FZD1: variants seen among roughly 807,000 people sequenced by gnomAD.
The protein encoded by FZD1 is frizzled class receptor 1.
A neutral mutation model predicts 48.0 loss-of-function variants in FZD1; 22 were observed. That is an observed-to-expected ratio of 0.46 (90% CI 0.33 to 0.65). FZD1 has a LOEUF of 0.65. Among genes scored for constraint, FZD1 ranks in the 30% least tolerant of loss-of-function variants. FZD1 has a pLI of 0.02. For missense variants in FZD1, 843 were observed against 898.1 expected, an observed-to-expected ratio of 0.94 and a Z score of 0.78; for synonymous variants, 486 against 409.6, an observed-to-expected ratio of 1.19 and a Z score of -2.25.
In FZD1 at chr7:91,265,664, T is replaced by C. The variant is rs1196989236; in HGVS notation, c.784T>C (p.Phe262Leu). 1.3e-6 allele frequency: 2 copies of C among 1,567,896 alleles called. No individual in the cohort carries two copies. Among genetic ancestry groups the C allele is most frequent in the Non-Finnish European group, 1.7e-6 (2 of 1,160,094 alleles). ...CGGCGGCGGAGGGCACCGTGGCGGC[T>C]TCCCGGGGGGCGCCGGCGCGTCGGA... Reference protein sequence around the residue: ...QHGGGGHRGGFPGGAGASERG... With the variant: ...QHGGGGHRGGLPGGAGASERG... The change falls in exon 1 of 1, where the codon TTC becomes CTC. Residue 262 changes from phenylalanine to leucine, a missense_variant. By Grantham distance (22) the Phe-to-Leu change is conservative (BLOSUM62 0). Around this residue, in one of 2 missense-constraint regions of FZD1, gnomAD observed 490 missense variants for 466.5 expected, o/e 1.05. Coordinates refer to ENST00000287934, the MANE Select transcript of FZD1 (RefSeq NM_003505.2). The surrounding 1 kb of genome is among the most constrained non-coding windows in gnomAD (Gnocchi z 6.9).
chr7:91,268,181 C>T lies in FZD1; in HGVS notation c.*1357C>T, dbSNP rs187783283. On this transcript the variant is annotated 3_prime_UTR_variant, in exon 1 of 1. Transcript: ENST00000287934. ...GAAACTTTAAAATGTAAAAGTTGTA[C>T]ACTTTCAACATTTTATTACGATTAT... 6.0e-5 allele frequency: 10 copies of T among 167,042 alleles called. No homozygotes were observed. Among genetic ancestry groups the T allele is most frequent in the Non-Finnish European group, 1.5e-4 (10 of 68,110 alleles). The allele number at this position is 167,042 out of a possible 1,614,324, so 10.3% of individuals were successfully genotyped here.
rs143217913 is a variant in FZD1 at position 91,269,261 on chromosome 7, G to A, written c.*2437G>A. 29 of 166,432 alleles carry A rather than the reference G, an allele frequency of 1.7e-4. No homozygotes were observed. The highest frequency in any genetic ancestry group is 6.0e-4 in the African/African-American group (25 of 41,352). The allele number at this position is 166,432 out of a possible 1,614,324, so 10.3% of individuals were successfully genotyped here. A position where few individuals can be genotyped will look rare whatever the true frequency, so the allele number is the denominator to read the frequency against. On this transcript the variant is annotated 3_prime_UTR_variant, in exon 1 of 1. Coordinates refer to ENST00000287934, the MANE Select transcript of FZD1 (RefSeq NM_003505.2). ...CTTCTGAAGACCCCTTTTTTTAATCGTTCAAGGAACCTTCTCCAGATAAAT... is the reference window on the plus strand; with the variant it reads ...CTTCTGAAGACCCCTTTTTTTAATCATTCAAGGAACCTTCTCCAGATAAAT...
Position 91,265,401 on chromosome 7 carries a change from C to A in FZD1, c.521C>A (p.Ala174Glu), listed in dbSNP as rs746616682. ...AAGTTCTTCCTGTGCTCCATGTACG[C>A]GCCCGTGTGCACCGTGCTAGAGCAG... ...ELKFFLCSMY[A>E]PVCTVLEQAL... is the part of the protein sequence containing the mutation. The change falls in exon 1 of 1, where the codon GCG (alanine) becomes GAG (glutamate). Residue 174 changes from alanine (A) to glutamate (E), a missense_variant. Transcript: ENST00000287934. This position sits in a 1 kb window ranked among gnomAD's most constrained non-coding sequence, Gnocchi z 6.9. 1 of 1,613,904 alleles carries A rather than the reference C, an allele frequency of 6.2e-7. No homozygotes were observed.
Position 91,266,279 on chromosome 7 carries a change from C to G in FZD1, c.1399C>G (p.Gln467Glu). The G allele has an allele frequency of 6.2e-7, 1 of 1,614,146 alleles. No homozygotes were observed. Among genetic ancestry groups the G allele is most frequent in the Non-Finnish European group, 8.5e-7 (1 of 1,180,022 alleles). ...IKTITILALG[Q>E]VDGDVLSGVC... ...GACCATCACCATCCTGGCGCTGGGC[C>G]AGGTGGACGGCGATGTGCTGAGCGG... Residue 467 changes from glutamine (Q) to glutamate (E), a missense_variant, in exon 1 of 1, where the codon CAG (glutamine) becomes GAG (glutamate). By Grantham distance (29) the Gln-to-Glu change is conservative (BLOSUM62 2). Coordinates refer to ENST00000287934, the MANE Select transcript of FZD1 (RefSeq NM_003505.2). The surrounding 1 kb of genome is among the most constrained non-coding windows in gnomAD (Gnocchi z 6.8).
Position 91,267,742 on chromosome 7 carries a change from C to T in FZD1, c.*918C>T, listed in dbSNP as rs933799510. The T allele has an allele frequency of 2.4e-5, 4 of 167,042 alleles. No homozygotes were observed. Among genetic ancestry groups the T allele is most frequent in the African/African-American group, 9.7e-5 (4 of 41,440 alleles). The allele number at this position is 167,042 out of a possible 1,614,324, so 10.3% of individuals were successfully genotyped here. A position where few individuals can be genotyped will look rare whatever the true frequency, so the allele number is the denominator to read the frequency against. On this transcript the variant is annotated 3_prime_UTR_variant, in exon 1 of 1. Coordinates refer to ENST00000287934, the MANE Select transcript of FZD1 (RefSeq NM_003505.2). ...TAACCAATGCCAAACTTTTTGAAGT[C>T]TAATTTTTGAGGGGTGAGCTCATTT...
rs375051170 is a variant in FZD1, at chr7:91,265,188, A to G, written c.308A>G (p.Asn103Ser). The G allele has an allele frequency of 5.7e-5, 92 of 1,613,008 alleles. 1 individual carries two copies. The South Asian group carries it at 7.6e-4, about 13-fold the overall frequency. The change falls in exon 1 of 1, where the codon AAC (asparagine) becomes AGC (serine). Residue 103 changes from asparagine (N) to serine (S), a missense_variant. This residue lies in a region of FZD1 where 490 missense variants were observed against 466.5 expected (regional missense o/e 1.05). Transcript: ENST00000287934. The surrounding 1 kb of genome is among the most constrained non-coding windows in gnomAD (Gnocchi z 6.9). ...CAGCAACAGAGCGGGCAGCAGTACA[A>G]CGGCGAGCGGGGCATCTCCGTCCCG... is the stretch of plus-strand genomic sequence containing the variant. ...PQQQQSGQQYNGERGISVPDH... is the reference protein window; with the variant it reads ...PQQQQSGQQYSGERGISVPDH...
At position 91,266,751 on chromosome 7, in the gene FZD1, G is replaced by A. The variant is rs1356235443; in HGVS notation, c.1871G>A (p.Gly624Asp). 1 of 1,613,228 alleles carries A rather than the reference G, an allele frequency of 6.2e-7. No homozygotes were observed. The highest frequency in any genetic ancestry group is 2.2e-5 in the East Asian group (1 of 44,870). ...GITSGFWIWSGKTLNSWRKFY... is the reference protein window; with the variant it reads ...GITSGFWIWSDKTLNSWRKFY... ...ACGTCGGGCTTCTGGATCTGGTCCG[G>A]CAAGACCCTCAACTCCTGGAGGAAG... Residue 624 changes from glycine to aspartate, a missense_variant, in exon 1 of 1, where the codon GGC (glycine) becomes GAC (aspartate). Physicochemically the swap from Gly to Asp is moderately conservative, Grantham distance 94. Coordinates refer to ENST00000287934, the MANE Select transcript of FZD1 (RefSeq NM_003505.2). This position sits in a 1 kb window ranked among gnomAD's most constrained non-coding sequence, Gnocchi z 6.8.
Position 91,266,876 on chromosome 7 carries a change from C to A in FZD1, c.*52C>A. 2 of 1,226,176 alleles carry A rather than the reference C, an allele frequency of 1.6e-6. No individual in the cohort carries two copies. The highest frequency in any genetic ancestry group is 2.3e-6 in the Non-Finnish European group (2 of 867,152). The allele number at this position is 1,226,176 out of a possible 1,614,324, so 76.0% of individuals were successfully genotyped here. A position where few individuals can be genotyped will look rare whatever the true frequency, so the allele number is the denominator to read the frequency against. ...CCTCGGCCGGGGCGCAGCGATCCCC[C>A]AAAGCCAGCGCCGTGGAGTTCGTGC... On this transcript the variant is annotated 3_prime_UTR_variant, in exon 1 of 1. Transcript: ENST00000287934. This position sits in a 1 kb window ranked among gnomAD's most constrained non-coding sequence, Gnocchi z 6.8.
chr7:91,270,380 G>C lies in FZD1; in HGVS notation c.*3556G>C, dbSNP rs1042515306. ...CAGCCAGTGTCAAACACGTGCAAAA[G>C]AGCCGGGCCGGATTTTTTCAGCTTG... is the stretch of plus-strand genomic sequence containing the variant. On this transcript the variant is annotated 3_prime_UTR_variant, in exon 1 of 1. Transcript: ENST00000287934. 7.2e-5 allele frequency: 12 copies of C among 167,126 alleles called. No individual in the cohort carries two copies. The Admixed American group carries it at 7.8e-4, about 11-fold the overall frequency. The allele number at this position is 167,126 out of a possible 1,614,324, so 10.4% of individuals were successfully genotyped here. A position where few individuals can be genotyped will look rare whatever the true frequency, so the allele number is the denominator to read the frequency against.
In FZD1 at chr7:91,265,196, C is replaced by G. The variant is rs759052167; in HGVS notation, c.316C>G (p.Arg106Gly). The change falls in exon 1 of 1, where the codon CGG becomes GGG. Residue 106 changes from arginine (R) to glycine (G), a missense_variant. Physicochemically the swap from Arg to Gly is moderately radical, Grantham distance 125. Coordinates refer to ENST00000287934, the MANE Select transcript of FZD1 (RefSeq NM_003505.2). The surrounding 1 kb of genome is among the most constrained non-coding windows in gnomAD (Gnocchi z 6.9). Reference protein sequence around the residue: ...QQSGQQYNGERGISVPDHGYC... With the variant: ...QQSGQQYNGEGGISVPDHGYC... ...GAGCGGGCAGCAGTACAACGGCGAG[C>G]GGGGCATCTCCGTCCCGGACCACGG... The G allele has an allele frequency of 6.2e-7, 1 of 1,613,234 alleles. No individual in the cohort carries two copies. The highest frequency in any genetic ancestry group is 1.3e-5 in the African/African-American group (1 of 75,034).
rs1464332450 is a variant in FZD1, at chr7:91,265,909, G to A, written c.1029G>A (p.Val343=). 1 of 1,614,164 alleles carries A rather than the reference G, an allele frequency of 6.2e-7. No homozygotes were observed. The highest frequency in any genetic ancestry group is 1.7e-5 in the Admixed American group (1 of 60,032). The change falls in exon 1 of 1, where the codon GTG becomes GTA. Residue 343 remains valine, a synonymous_variant. Coordinates refer to ENST00000287934, the MANE Select transcript of FZD1 (RefSeq NM_003505.2). This position sits in a 1 kb window ranked among gnomAD's most constrained non-coding sequence, Gnocchi z 6.9. ...TCTTCACGGTGCTTACGTACCTGGT[G>A]GACATGCGGCGCTTCAGCTACCCGG... ...STLFTVLTYL[V]DMRRFSYPER... is the part of the protein sequence containing the mutation.
At position 91,271,236 on chromosome 7, in the gene FZD1, C is replaced by T. The variant is rs531384001; in HGVS notation, c.*4412C>T. On this transcript the variant is annotated 3_prime_UTR_variant, in exon 1 of 1. Transcript: ENST00000287934. ...AATATTTTTATTCATTTTGGTCATA[C>T]CTTTGACAATGGATATGTTAAACTT... 2 of 167,070 alleles carry T rather than the reference C, an allele frequency of 1.2e-5. No homozygotes were observed. Among genetic ancestry groups the T allele is most frequent in the East Asian group, 3.9e-4 (2 of 5,176 alleles). 10.3% of individuals were successfully genotyped at this position (167,070 alleles called of 1,614,324 possible). A position where few individuals can be genotyped will look rare whatever the true frequency, so the allele number is the denominator to read the frequency against.
rs545945483 is a variant in FZD1 at position 91,265,848 on chromosome 7, T to C, written c.968T>C (p.Ile323Thr). The C allele has an allele frequency of 1.1e-5, 18 of 1,613,858 alleles. No homozygotes were observed. The highest frequency in any genetic ancestry group is 2.2e-5 in the East Asian group (1 of 44,858). ...GAGCTGCGCTTCTCGCGCACCTGGA[T>C]TGGCATTTGGTCAGTGCTGTGCTGC... Reference protein sequence around the residue: ...PEELRFSRTWIGIWSVLCCAS... With the variant: ...PEELRFSRTWTGIWSVLCCAS... Residue 323 changes from isoleucine to threonine, a missense_variant, in exon 1 of 1, where the codon ATT becomes ACT. Physicochemically the swap from Ile to Thr is moderately conservative, Grantham distance 89 (BLOSUM62 -1). This residue lies in a region of FZD1 where 490 missense variants were observed against 466.5 expected (regional missense o/e 1.05). Coordinates refer to ENST00000287934, the MANE Select transcript of FZD1 (RefSeq NM_003505.2). The surrounding 1 kb of genome is among the most constrained non-coding windows in gnomAD (Gnocchi z 6.9).
In FZD1 at chr7:91,265,596, C is replaced by T. The variant is rs780990701; in HGVS notation, c.716C>T (p.Thr239Met). 2 of 1,608,336 alleles carry T rather than the reference C, an allele frequency of 1.2e-6. No homozygotes were observed. Among genetic ancestry groups the T allele is most frequent in the Non-Finnish European group, 1.7e-6 (2 of 1,178,948 alleles). ...AACACGTCCGACAAGGGCACCCCGACGCCCTCGCTGCTTCCAGAGTTCTGG... is the reference window on the plus strand; with the variant it reads ...AACACGTCCGACAAGGGCACCCCGATGCCCTCGCTGCTTCCAGAGTTCTGG... Reference protein sequence around the residue: ...GQNTSDKGTPTPSLLPEFWTS... With the variant: ...GQNTSDKGTPMPSLLPEFWTS... The change falls in exon 1 of 1, where the codon ACG becomes ATG. Residue 239 changes from threonine to methionine, a missense_variant. Physicochemically the swap from Thr to Met is moderately conservative, Grantham distance 81 (BLOSUM62 -1). Coordinates refer to ENST00000287934, the MANE Select transcript of FZD1 (RefSeq NM_003505.2). This position sits in a 1 kb window ranked among gnomAD's most constrained non-coding sequence, Gnocchi z 6.9.
chr7:91,266,349 T>G lies in FZD1; in HGVS notation c.1469T>G (p.Phe490Cys). The change falls in exon 1 of 1, where the codon TTC becomes TGC. Residue 490 changes from phenylalanine (F) to cysteine (C), a missense_variant. Around this residue, in one of 2 missense-constraint regions of FZD1, gnomAD observed 353 missense variants for 431.6 expected, o/e 0.82. Coordinates refer to ENST00000287934, the MANE Select transcript of FZD1 (RefSeq NM_003505.2). This position sits in a 1 kb window ranked among gnomAD's most constrained non-coding sequence, Gnocchi z 6.8. ...AACAACGTGGACGCGCTGCGTGGCT[T>G]CGTGCTGGCGCCCCTCTTCGTGTAC... ...GLNNVDALRG[F>C]VLAPLFVYLF... 1 of 1,614,144 alleles carries G rather than the reference T, an allele frequency of 6.2e-7. No homozygotes were observed.
In FZD1 at chr7:91,266,756, A is replaced by G; in HGVS notation, c.1876A>G (p.Thr626Ala). ...TSGFWIWSGK[T>A]LNSWRKFYTR... ...GGGCTTCTGGATCTGGTCCGGCAAGACCCTCAACTCCTGGAGGAAGTTCTA... is the reference window on the plus strand; with the variant it reads ...GGGCTTCTGGATCTGGTCCGGCAAGGCCCTCAACTCCTGGAGGAAGTTCTA... Residue 626 changes from threonine (T) to alanine (A), a missense_variant, in exon 1 of 1, where the codon ACC (threonine) becomes GCC (alanine). Coordinates refer to ENST00000287934, the MANE Select transcript of FZD1 (RefSeq NM_003505.2). This position sits in a 1 kb window ranked among gnomAD's most constrained non-coding sequence, Gnocchi z 6.8. 1 of 1,613,260 alleles carries G rather than the reference A, an allele frequency of 6.2e-7. No homozygotes were observed. Among genetic ancestry groups the G allele is most frequent in the Non-Finnish European group, 8.5e-7 (1 of 1,179,630 alleles).
Position 91,264,916 on chromosome 7 carries a change from C to T in FZD1, c.36C>T (p.Ala12=), listed in dbSNP as rs1434625964. The change falls in exon 1 of 1, where the codon GCC becomes GCT. Residue 12 remains alanine (A), a synonymous_variant. Transcript: ENST00000287934. ...AGGAGGCGCCTAAGAAGTCCCGGGC[C>T]GCCGGCGGTGGCGCGAGCTGGGAAC... ...AEEEAPKKSR[A]AGGGASWELC... The T allele has an allele frequency of 7.5e-7, 1 of 1,330,036 alleles. No homozygotes were observed. Among genetic ancestry groups the T allele is most frequent in the East Asian group, 3.0e-5 (1 of 33,312 alleles). The allele number at this position is 1,330,036 out of a possible 1,614,324, so 82.4% of individuals were successfully genotyped here. A position where few individuals can be genotyped will look rare whatever the true frequency, so the allele number is the denominator to read the frequency against.
rs1803848998 is a variant in FZD1 at position 91,265,073 on chromosome 7, C to T, written c.193C>T (p.Pro65Ser). The T allele has an allele frequency of 1.2e-5, 17 of 1,376,970 alleles. No homozygotes were observed. The highest frequency in any genetic ancestry group is 1.7e-5 in the South Asian group (1 of 59,206). 85.3% of individuals were successfully genotyped at this position (1,376,970 alleles called of 1,614,324 possible). ...LLLLLWLLEA[P>S]LLLGVRAQAA... is the part of the protein sequence containing the mutation. The stretch of plus-strand genomic sequence containing the variant: ...GCTGCTGCTTTGGCTGCTGGAGGCT[C>T]CGCTGCTGCTGGGGGTCCGGGCCCA... The change falls in exon 1 of 1, where the codon CCG becomes TCG. Residue 65 changes from proline (P) to serine (S), a missense_variant. Transcript: ENST00000287934. This position sits in a 1 kb window ranked among gnomAD's most constrained non-coding sequence, Gnocchi z 6.9.
Position 91,268,059 on chromosome 7 carries a change from CAG to C in FZD1, c.*1237_*1238del, listed in dbSNP as rs1433113939. ...CCTTAACAAGACAGCAAAACGTAAA[CAG>C]AAATTGAAAACTTGAAGGATATTTC... is the stretch of plus-strand genomic sequence containing the variant. On this transcript the variant is annotated 3_prime_UTR_variant, in exon 1 of 1. Coordinates refer to ENST00000287934, the MANE Select transcript of FZD1 (RefSeq NM_003505.2). 4.8e-5 allele frequency: 8 copies of C among 167,054 alleles called. No individual in the cohort carries two copies. Among genetic ancestry groups the C allele is most frequent in the African/African-American group, 1.7e-4 (7 of 41,452 alleles). 10.3% of individuals were successfully genotyped at this position (167,054 alleles called of 1,614,324 possible).
Sources: gnomAD v4.1 joint callset for allele counts on GRCh38, gnomAD v4.1.1 for gene constraint, gnomAD v4.1.1 regional missense constraint, Gnocchi (gnomAD v3.1) non-coding constraint, MANE v1.5 for transcripts, NCBI Gene and HGNC (gene_info 2026-07-23, HGNC 2026-07-21) for gene names.